PHIP: variants seen among roughly 807,000 people sequenced by gnomAD.
PHIP encodes PHIP subunit of CUL4-Ring ligase complex, also known as PH-interacting protein.
Under a neutral mutation model 236.8 loss-of-function variants are expected in PHIP, and 54 were observed. The observed-to-expected ratio is 0.23, with a 90% CI of 0.18 to 0.29. PHIP has a LOEUF of 0.29. PHIP is among the 10% of genes least tolerant of loss of function. The probability of loss-of-function intolerance (pLI) is 1.00; values close to 1 mark genes in which losing one functional copy is unlikely to be tolerated. For missense variants in PHIP, 1,370 were observed against 2,190.8 expected, an observed-to-expected ratio of 0.63 and a Z score of 7.48; for synonymous variants, 756 against 718.9, an observed-to-expected ratio of 1.05 and a Z score of -0.83.
At chr6:79,024,189 T>G (rs1483050402) in intron 9 of PHIP, among the ~76,000 whole-genome samples, 3 of 152,220 alleles carry the variant, frequency 2.0e-5, no homozygotes, top group African/African-American at 4.8e-5. Flanking sequence ...TCTACAAGAA[T>G]GTTCATATAC....
intron 6 of PHIP, among the ~76,000 whole-genome samples, chr6:79,050,874 T>C (rs899349444): frequency 1.3e-5 from 2 of 152,292 alleles, no homozygotes; most frequent in Non-Finnish European, 2.9e-5. Context: ...AAAAATGATA[T>C]GCTATAAAGA....
intron 7 of PHIP, among the ~76,000 whole-genome samples, chr6:79,037,579 A>G (rs1008372953): frequency 6.6e-6 from 1 of 152,154 alleles, no homozygotes; most frequent in Non-Finnish European, 1.5e-5. Context: ...AATAATAATA[A>G]TAATCAGCCA....
intron 4 of PHIP, among the ~76,000 whole-genome samples, chr6:79,067,306 G>C (rs934684452): frequency 1.3e-5 from 2 of 152,216 alleles, no homozygotes; most frequent in Non-Finnish European, 2.9e-5. Flanking sequence ...GGCTAAACCA[G>C]GAGGCTAGTC....
chr6:79,049,370 T>C (rs540801232), intron 6 of PHIP, among the ~76,000 whole-genome samples: 1 of 152,284 alleles, frequency 6.6e-6, no homozygotes, highest in African/African-American at 2.4e-5. Flanking sequence ...TCTTGACTAG[T>C]TTTATTCTGT....
intron 6 of PHIP, among the ~76,000 whole-genome samples, chr6:79,055,974 A>T (rs1390047725): frequency 6.6e-6 from 1 of 152,120 alleles, no homozygotes; most frequent in Admixed American, 6.6e-5. Context: ...CCATTTTTGT[A>T]ATACCTTACC....
At chr6:79,018,539 AT>A (rs1258921682) in intron 10 of PHIP, among the ~76,000 whole-genome samples, 4 of 151,842 alleles carry the variant, frequency 2.6e-5, no homozygotes, top group African/African-American at 7.2e-5. Flanking sequence ...AAATAACCAG[AT>A]TTTTTTTATA....
intron 21 of PHIP, among the ~76,000 whole-genome samples, chr6:78,987,284 G>C (rs1768928108): frequency 6.6e-6 from 1 of 151,896 alleles, no homozygotes; most frequent in South Asian, 2.1e-4. Flanking sequence ...TAAATAATTA[G>C]CCCACATGTA....
At chr6:79,001,786 T>C (rs1023400559) in intron 17 of PHIP, 113 bp downstream of exon 17, 2 of 667,394 alleles carry the variant, frequency 3.0e-6, no homozygotes, top group African/African-American at 3.6e-5. Context: ...GTATAAAACA[T>C]ACTTTTACTT....
chr6:78,969,939 T>A (rs376140814), intron 26 of PHIP, 22 bp from the exon 27 acceptor site: 19 of 1,570,382 alleles, frequency 1.2e-5, no homozygotes, highest in Non-Finnish European at 1.5e-5. Context: ...CAGAAACAAA[T>A]TGATTAGGTC....
At chr6:79,017,850 T>C (rs1770909416) in intron 10 of PHIP, among the ~76,000 whole-genome samples, 1 of 151,964 alleles carries the variant, frequency 6.6e-6, no homozygotes, top group Non-Finnish European at 1.5e-5. Flanking sequence ...TATATAACCA[T>C]ACCATGTTAA....
At chr6:79,040,015 T>C (rs1412562085) in intron 7 of PHIP, among the ~76,000 whole-genome samples, 1 of 152,166 alleles carries the variant, frequency 6.6e-6, no homozygotes, top group African/African-American at 2.4e-5. Flanking sequence ...TTTTTAATTC[T>C]TGTATACCAT....
chr6:78,971,263 T>A (rs919643159), intron 24 of PHIP, among the ~76,000 whole-genome samples: 3 of 152,228 alleles, frequency 2.0e-5, no homozygotes, highest in Non-Finnish European at 4.4e-5. Flanking sequence ...AACATTGAAA[T>A]GAAAAATGTA....
At chr6:79,064,710 T>C (rs1249199477) in intron 4 of PHIP, among the ~76,000 whole-genome samples, 1 of 152,324 alleles carries the variant, frequency 6.6e-6, no homozygotes, top group African/African-American at 2.4e-5. Flanking sequence ...TACTCCTCTA[T>C]ATAGCCATTA....
At chr6:78,997,096 A>T (rs1769673134) in intron 19 of PHIP, among the ~76,000 whole-genome samples, 1 of 151,958 alleles carries the variant, frequency 6.6e-6, no homozygotes, top group Admixed American at 6.6e-5. Flanking sequence ...AAACTTTATA[A>T]AATGTATTTT....
intron 19 of PHIP, among the ~76,000 whole-genome samples, chr6:78,991,234 C>G (rs981046180): frequency 6.6e-6 from 1 of 151,930 alleles, no homozygotes; most frequent in Non-Finnish European, 1.5e-5. Context: ...GCTATGGTCT[C>G]TGGCAAACCA....
intron 24 of PHIP, among the ~76,000 whole-genome samples, chr6:78,971,995 G>A (rs1410170811): frequency 2.6e-5 from 4 of 151,470 alleles, no homozygotes; most frequent in East Asian, 3.9e-4. Flanking sequence ...AAACAAAGCA[G>A]CCGGGAAGCT....
Position 78,946,242 on chromosome 6 carries a change from C to A in PHIP, c.4389G>T (p.Arg1463Ser). 6.2e-7 allele frequency: 1 copy of A among 1,612,984 alleles called. No individual in the cohort carries two copies. Among genetic ancestry groups the A allele is most frequent in the Non-Finnish European group, 8.5e-7 (1 of 1,179,298 alleles). ...CTGATTTTAGCTGGGGTTTTAAGAT[C>A]CTTTTTTTCCTTTCAGGGCTGTAAA... ...SAASSPERKKRILKPQLKSES... is the reference protein window; with the variant it reads ...SAASSPERKKSILKPQLKSES... Residue 1463 changes from arginine (R) to serine (S), a missense_variant, in exon 38 of 40, where the codon AGG (arginine) becomes AGT (serine). Physicochemically the swap from Arg to Ser is moderately radical, Grantham distance 110 (BLOSUM62 -1). Transcript: ENST00000275034.
chr6:78,950,470 G>A (rs926135702), intron 35 of PHIP, among the ~76,000 whole-genome samples: 3 of 152,094 alleles, frequency 2.0e-5, no homozygotes, highest in African/African-American at 7.2e-5. Flanking sequence ...AGCCATCCAG[G>A]ACTAGACATT....
chr6:78,945,546 G>A (rs1489609893), intron 38 of PHIP, 49 bp from the exon 39 acceptor site: 8 of 1,168,756 alleles, frequency 6.8e-6, no homozygotes, highest in Admixed American at 5.8e-5. Flanking sequence ...TGAACCTAAA[G>A]ATAAGAAAAA....
Sources: allele counts gnomAD v4.1 joint callset (sites outside exome capture counted in the v4.1 genomes callset), GRCh38; gene constraint gnomAD v4.1.1; transcripts MANE v1.5; gene names NCBI Gene and HGNC (gene_info 2026-07-23, HGNC 2026-07-21).